MED28: variants seen among roughly 807,000 people sequenced by gnomAD.
MED28 encodes the protein mediator of RNA polymerase II transcription subunit 28.
A neutral mutation model predicts 21.3 loss-of-function variants in MED28; 26 were observed. That is an observed-to-expected ratio of 1.22 (90% CI 0.89 to 1.69). MED28 has a LOEUF of 1.69. MED28 is among the 40% of genes most tolerant of loss of function. MED28 has a pLI of 0.00. For synonymous variants in MED28, 110 were observed against 87.6 expected, an observed-to-expected ratio of 1.26 and a Z score of -1.43; for missense variants, 257 against 215.4, an observed-to-expected ratio of 1.19 and a Z score of -1.21.
At chr4:17,614,851 C>G in intron 1 of MED28, 38 bp downstream of exon 1, 1 of 1,553,270 alleles carries the variant, frequency 6.4e-7, no homozygotes, top group Non-Finnish European at 8.7e-7. Flanking sequence ...CCTAGCCTTC[C>G]CTTTTTTCTG....
chr4:17,619,868 T>A (rs1714565935), intron 1 of MED28, 33 bp from the exon 2 acceptor site: 2 of 1,594,254 alleles, frequency 1.3e-6, no homozygotes, highest in Middle Eastern at 1.7e-4. Context: ...GTATAAATGA[T>A]ATTTTTTTCT....
chr4:17,628,988 C>G lies in MED28; in HGVS notation c.*5190C>G, dbSNP rs1041603445. On this transcript the variant is annotated 3_prime_UTR_variant, in exon 4 of 4. Coordinates refer to ENST00000237380, the MANE Select transcript of MED28 (RefSeq NM_025205.5). The stretch of plus-strand genomic sequence containing the variant: ...AACTGATGAGGTGACTGTGAGTGCC[C>G]GGGGCCTCTGTCGTTATCTTGGAGG... The G allele has an allele frequency of 6.6e-6, 1 of 152,428 alleles. No individual in the cohort carries two copies. The highest frequency in any genetic ancestry group is 1.5e-5 in the Non-Finnish European group (1 of 68,328). The allele number at this position is 152,428 out of a possible 1,614,324, so 9.4% of individuals were successfully genotyped here.
intron 2 of MED28, among the ~76,000 whole-genome samples, chr4:17,621,254 C>T (rs1364788988): frequency 1.3e-5 from 2 of 151,736 alleles, no homozygotes; most frequent in African/African-American, 2.4e-5. Context: ...CCTCATGATT[C>T]GCCCACCTCG....
At chr4:17,618,018 T>C (rs1311985573) in intron 1 of MED28, among the ~76,000 whole-genome samples, 4 of 145,660 alleles carry the variant, frequency 2.7e-5, no homozygotes, top group African/African-American at 7.7e-5. Flanking sequence ...CTTTTCTTTT[T>C]TTTTTTTTTT....
Position 17,619,999 on chromosome 4 carries a change from G to T in MED28, c.226+32G>T, listed in dbSNP as rs1043045273. 1.9e-6 allele frequency: 3 copies of T among 1,593,006 alleles called. No individual in the cohort carries two copies. In the Admixed American group the frequency reaches 5.0e-5, roughly 27 times the overall value. ...ATTCCCTCTGTGTACACAATGTTCT[G>T]GGCTTCAGCAGTATTTCCTAGTTGC... On this transcript the variant is annotated intron_variant, in intron 2 of 3. Transcript: ENST00000237380.
chr4:17,618,480 G>T (rs1276632142), intron 1 of MED28, among the ~76,000 whole-genome samples: 1 of 151,974 alleles, frequency 6.6e-6, no homozygotes, highest in Non-Finnish European at 1.5e-5. Flanking sequence ...TCTCACAAAG[G>T]AAGTACATCC....
At chr4:17,621,314 A>G (rs952040932) in intron 2 of MED28, among the ~76,000 whole-genome samples, 3 of 151,680 alleles carry the variant, frequency 2.0e-5, no homozygotes, top group Non-Finnish European at 2.9e-5. Context: ...GCCCAGCTGC[A>G]TTGTCTTTTT....
rs1714708552 is a variant in MED28 at position 17,624,014 on chromosome 4, TA to T, written c.*217del. ...CTGTAGCTTGGATAAACCAAGTAAG[TA>T]TTTTTTTTTTGTCTTTAGCAAAGTT... On this transcript the variant is annotated 3_prime_UTR_variant, in exon 4 of 4. Transcript: ENST00000237380. 1 of 563,238 alleles carries T rather than the reference TA, an allele frequency of 1.8e-6. No individual in the cohort carries two copies. Among genetic ancestry groups the T allele is most frequent in the East Asian group, 2.9e-5 (1 of 34,446 alleles). 34.9% of individuals were successfully genotyped at this position (563,238 alleles called of 1,614,324 possible).
rs1238788453 is a variant in MED28, at chr4:17,631,784, G to A, written c.*7986G>A. ...TTTTAGTTGGCTTTCCTGTTTAACT[G>A]TTATTTGTCTTCCTATTGAGGTTAG... is the stretch of plus-strand genomic sequence containing the variant. On this transcript the variant is annotated 3_prime_UTR_variant, in exon 4 of 4. Transcript: ENST00000237380. 1 of 152,074 alleles carries A rather than the reference G, an allele frequency of 6.6e-6. No individual in the cohort carries two copies. The highest frequency in any genetic ancestry group is 2.4e-5 in the African/African-American group (1 of 41,402). The allele number at this position is 152,074 out of a possible 1,614,324, so 9.4% of individuals were successfully genotyped here.
rs1030168111 is a variant in MED28, at chr4:17,623,543, G to A, written c.340-58G>A. The A allele has an allele frequency of 1.2e-5, 19 of 1,551,604 alleles. No homozygotes were observed. In the African/African-American group the frequency reaches 2.0e-4, roughly 17 times the overall value. The stretch of plus-strand genomic sequence containing the variant: ...GAATTGTTAGCCTCTTAACTAACCA[G>A]AACCGTATGTGTTTTTCCTGCATTT... On this transcript the variant is annotated intron_variant, in intron 3 of 3. Coordinates refer to ENST00000237380, the MANE Select transcript of MED28 (RefSeq NM_025205.5).
chr4:17,624,007 A>G lies in MED28; in HGVS notation c.*209A>G, dbSNP rs761783225. 3 of 574,122 alleles carry G rather than the reference A, an allele frequency of 5.2e-6. No homozygotes were observed. Among genetic ancestry groups the G allele is most frequent in the Non-Finnish European group, 9.2e-6 (3 of 325,174 alleles). 35.6% of individuals were successfully genotyped at this position (574,122 alleles called of 1,614,324 possible). ...AACATGTCTGTAGCTTGGATAAACCAAGTAAGTATTTTTTTTTTGTCTTTA... is the reference window on the plus strand; with the variant it reads ...AACATGTCTGTAGCTTGGATAAACCGAGTAAGTATTTTTTTTTTGTCTTTA... On this transcript the variant is annotated 3_prime_UTR_variant, in exon 4 of 4. Transcript: ENST00000237380.
chr4:17,617,361 G>A (rs1213380382), intron 1 of MED28, among the ~76,000 whole-genome samples: 1 of 152,188 alleles, frequency 6.6e-6, no homozygotes, highest in Non-Finnish European at 1.5e-5. Context: ...CACTCCTTGA[G>A]GTCTCTGTCT....
intron 3 of MED28, among the ~76,000 whole-genome samples, chr4:17,623,158 T>C (rs994223261): frequency 1.3e-5 from 2 of 149,464 alleles, no homozygotes; most frequent in African/African-American, 5.1e-5. Context: ...CCTAGCACTT[T>C]GGGAGGCTGA....
In MED28 at chr4:17,633,570, T is replaced by C; in HGVS notation, c.*9772T>C. 1 of 918,398 alleles carries C rather than the reference T, an allele frequency of 1.1e-6. No individual in the cohort carries two copies. Among genetic ancestry groups the C allele is most frequent in the Non-Finnish European group, 1.6e-6 (1 of 638,762 alleles). The allele number at this position is 918,398 out of a possible 1,614,324, so 56.9% of individuals were successfully genotyped here. On this transcript the variant is annotated 3_prime_UTR_variant, in exon 4 of 4. Coordinates refer to ENST00000237380, the MANE Select transcript of MED28 (RefSeq NM_025205.5). The stretch of plus-strand genomic sequence containing the variant: ...GGTAAGTGATTCAGTGTCCCTTGTC[T>C]AATCATCCATGAAAAAAGGCCTTCT...
chr4:17,617,849 T>C (rs1164654447), intron 1 of MED28, among the ~76,000 whole-genome samples: 1 of 151,896 alleles, frequency 6.6e-6, no homozygotes, highest in African/African-American at 2.4e-5. Flanking sequence ...AGAGGTTGCA[T>C]TGAGCCAAGA....
In MED28 at chr4:17,624,067, T is replaced by C; in HGVS notation, c.*269T>C. ...AGACTGTGAATATGATGACACAGAT[T>C]CTTTTTTATGGTGGCTTTGCTTGTT... On this transcript the variant is annotated 3_prime_UTR_variant, in exon 4 of 4. Transcript: ENST00000237380. 2.3e-6 allele frequency: 1 copy of C among 428,386 alleles called. No individual in the cohort carries two copies. The highest frequency in any genetic ancestry group is 4.2e-6 in the Non-Finnish European group (1 of 237,362). The allele number at this position is 428,386 out of a possible 1,614,324, so 26.5% of individuals were successfully genotyped here. A position where few individuals can be genotyped will look rare whatever the true frequency, so the allele number is the denominator to read the frequency against.
In MED28 at chr4:17,619,933, T is replaced by A; in HGVS notation, c.192T>A (p.Tyr64Ter). Residue 64 changes from tyrosine (Y) to a stop codon, truncating the protein, a stop_gained, in exon 2 of 4, where the codon TAT becomes TAA. Coordinates refer to ENST00000237380, the MANE Select transcript of MED28 (RefSeq NM_025205.5). LOFTEE classifies it high-confidence loss of function. Reference protein sequence around the residue: ...ACFASLVSQDYVNGTDQEEIR... With the variant: ...ACFASLVSQD ...TTGCATCTCTGGTGAGTCAGGACTA[T>A]GTCAATGGCACCGATCAGGAAGAAA... 1 of 1,614,212 alleles carries A rather than the reference T, an allele frequency of 6.2e-7. No homozygotes were observed. The highest frequency in any genetic ancestry group is 8.5e-7 in the Non-Finnish European group (1 of 1,180,034).
Position 17,624,253 on chromosome 4 carries a change from T to C in MED28, c.*455T>C. On this transcript the variant is annotated 3_prime_UTR_variant, in exon 4 of 4. Coordinates refer to ENST00000237380, the MANE Select transcript of MED28 (RefSeq NM_025205.5). ...TGTGTAGAAAAGTATGTAAATTTGCTCTGTTTTAAGACTTTGAACTACCTC... is the reference window on the plus strand; with the variant it reads ...TGTGTAGAAAAGTATGTAAATTTGCCCTGTTTTAAGACTTTGAACTACCTC... 1 of 174,344 alleles carries C rather than the reference T, an allele frequency of 5.7e-6. No individual in the cohort carries two copies. Among genetic ancestry groups the C allele is most frequent in the South Asian group, 1.2e-4 (1 of 8,054 alleles). 10.8% of individuals were successfully genotyped at this position (174,344 alleles called of 1,614,324 possible). A position where few individuals can be genotyped will look rare whatever the true frequency, so the allele number is the denominator to read the frequency against.
In MED28 at chr4:17,630,660, T is replaced by C. The variant is rs1308121586; in HGVS notation, c.*6862T>C. The C allele has an allele frequency of 6.6e-6, 1 of 152,182 alleles. No individual in the cohort carries two copies. The highest frequency in any genetic ancestry group is 2.4e-5 in the African/African-American group (1 of 41,432). 9.4% of individuals were successfully genotyped at this position (152,182 alleles called of 1,614,324 possible). On this transcript the variant is annotated 3_prime_UTR_variant, in exon 4 of 4. Coordinates refer to ENST00000237380, the MANE Select transcript of MED28 (RefSeq NM_025205.5). The stretch of plus-strand genomic sequence containing the variant: ...AAATATTTGGTAGTGAAAAACAGTA[T>C]GGTGTGTTAATGTATGGTGACAAGT...
Sources: gnomAD v4.1 joint callset for allele counts (sites outside exome capture counted in the v4.1 genomes callset) on GRCh38, gnomAD v4.1.1 for gene constraint, MANE v1.5 for transcripts, NCBI Gene and HGNC (gene_info 2026-07-23, HGNC 2026-07-21) for gene names.